ANKEF1: variants seen among roughly 807,000 people sequenced by gnomAD.
The protein encoded by ANKEF1 is ankyrin repeat and EF-hand domain-containing protein 1.
A neutral mutation model predicts 65.1 loss-of-function variants in ANKEF1; 43 were observed. The observed-to-expected ratio is 0.66, with a 90% CI of 0.52 to 0.85. The LOEUF (loss-of-function observed/expected upper bound fraction) is 0.85, where lower values mean the gene tolerates loss of function less well. ANKEF1 is among the 40% of genes least tolerant of loss of function. The probability of loss-of-function intolerance (pLI) is 0.00; values close to 1 mark genes in which losing one functional copy is unlikely to be tolerated. For synonymous variants in ANKEF1, 316 were observed against 341.5 expected (o/e 0.93, Z 0.82); for missense variants, 934 against 952.9 (o/e 0.98, Z 0.26).
intron 7 of ANKEF1, 89 bp downstream of exon 7, chr20:10,050,301 A>G (rs1984779543): frequency 1.9e-6 from 2 of 1,032,478 alleles, no homozygotes; most frequent in Non-Finnish European, 1.4e-6. Flanking sequence ...AGTAATATAG[A>G]AAAGTGCTAC....
chr20:10,043,816 G>A (rs1325352500), intron 4 of ANKEF1, among the ~76,000 whole-genome samples: 1 of 151,580 alleles, frequency 6.6e-6, no homozygotes, highest in South Asian at 2.1e-4. Flanking sequence ...ATGCCACCAT[G>A]CCCCGCTAAT....
rs1984706020 is a variant in ANKEF1 at position 10,049,464 on chromosome 20, G to T, written c.895G>T (p.Ala299Ser). 3 of 1,614,198 alleles carry T rather than the reference G, an allele frequency of 1.9e-6. No individual in the cohort carries two copies. Among genetic ancestry groups the T allele is most frequent in the Non-Finnish European group, 2.5e-6 (3 of 1,180,024 alleles). Residue 299 changes from alanine to serine, a missense_variant, in exon 7 of 11, where the codon GCA becomes TCA. Coordinates refer to ENST00000378392, the MANE Select transcript of ANKEF1 (RefSeq NM_022096.6). The stretch of plus-strand genomic sequence containing the variant: ...GGCTAAGGAAGGCGGCTTCAAAGCA[G>T]CAAGCAAAGAAATACGCCGAGCAGA... The part of the protein sequence containing the change: ...AVAKEGGFKA[A>S]SKEIRRAERI...
In ANKEF1 at chr20:10,049,615, G is replaced by A; in HGVS notation, c.1046G>A (p.Arg349Lys). The change falls in exon 7 of 11, where the codon AGG becomes AAG. Residue 349 changes from arginine (R) to lysine (K), a missense_variant. Transcript: ENST00000378392. ...CGGGAAGCCTTTGCGGTTTTAGACAGGGGTGATGGAAGCATCAGCAAGAAC... is the reference window on the plus strand; with the variant it reads ...CGGGAAGCCTTTGCGGTTTTAGACAAGGGTGATGGAAGCATCAGCAAGAAC... ...FLREAFAVLD[R>K]GDGSISKNDF... 6.2e-7 allele frequency: 1 copy of A among 1,614,124 alleles called. No individual in the cohort carries two copies. The highest frequency in any genetic ancestry group is 8.5e-7 in the Non-Finnish European group (1 of 1,180,004).
Position 10,043,284 on chromosome 20 carries a change from T to A in ANKEF1, c.509T>A (p.Phe170Tyr). 1.9e-6 allele frequency: 3 copies of A among 1,614,140 alleles called. No homozygotes were observed. The highest frequency in any genetic ancestry group is 2.5e-6 in the Non-Finnish European group (3 of 1,180,020). The change falls in exon 4 of 11, where the codon TTT becomes TAT. Residue 170 changes from phenylalanine (F) to tyrosine (Y), a missense_variant. Physicochemically the swap from Phe to Tyr is conservative, Grantham distance 22. Transcript: ENST00000378392. ...GATGTTAAAGATGTGTGCCTGACAT[T>A]TTTGGAAAAAGGAGCCAATCCTAAT... ...AHDVKDVCLT[F>Y]LEKGANPNAI...
intron 1 of ANKEF1, 64 bp downstream of exon 1, chr20:10,035,397 C>T (rs1378346541): frequency 1.3e-5 from 2 of 152,274 alleles, no homozygotes; most frequent in African/African-American, 4.8e-5. Context: ...CCTCTCTTCT[C>T]CAGATTTTTC....
intron 3 of ANKEF1, chr20:10,040,804 A>G (rs1227024263): frequency 6.6e-6 from 1 of 152,246 alleles, no homozygotes; most frequent in African/African-American, 2.4e-5. Flanking sequence ...TTCATTTCAT[A>G]AGTGGCTCTG....
chr20:10,049,919 G>A lies in ANKEF1; in HGVS notation c.1350G>A (p.Gly450=). ...CGTTTCCACGCCGGCAGGATGGTGG[G>A]CCACCGTATTACATGATTGAGACCT... ...EYAFPRRQDG[G]PPYYMIETYK... Residue 450 remains glycine (G), a synonymous_variant, in exon 7 of 11, where the codon GGG becomes GGA. Transcript: ENST00000378392. 4 of 1,614,202 alleles carry A rather than the reference G, an allele frequency of 2.5e-6. No homozygotes were observed. The highest frequency in any genetic ancestry group is 2.7e-5 in the African/African-American group (2 of 75,058).
At chr20:10,042,153 G>T (rs868459506) in intron 3 of ANKEF1, among the ~76,000 whole-genome samples, 62 of 152,186 alleles carry the variant, frequency 4.1e-4, no homozygotes, top group African/African-American at 1.4e-3. Flanking sequence ...AAGACCCAAC[G>T]TACCCTTTTA....
rs1984304920 is a variant in ANKEF1, at chr20:10,043,301, A to G, written c.526A>G (p.Asn176Asp). ...CCTGACATTTTTGGAAAAAGGAGCC[A>G]ATCCTAATGCAATCAACTCAGTATG... ...VCLTFLEKGANPNAINSSTGR... is the reference protein window; with the variant it reads ...VCLTFLEKGADPNAINSSTGR... The change falls in exon 4 of 11, where the codon AAT (asparagine) becomes GAT (aspartate). Residue 176 changes from asparagine to aspartate, a missense_variant. Coordinates refer to ENST00000378392, the MANE Select transcript of ANKEF1 (RefSeq NM_022096.6). 1 of 1,613,920 alleles carries G rather than the reference A, an allele frequency of 6.2e-7. No homozygotes were observed. Among genetic ancestry groups the G allele is most frequent in the African/African-American group, 1.3e-5 (1 of 74,940 alleles).
At position 10,054,610 on chromosome 20, in the gene ANKEF1, C is replaced by T. The variant is rs149627206; in HGVS notation, c.2172+11C>T. 1.2e-3 allele frequency: 1,972 copies of T among 1,602,102 alleles called. 18 individuals are homozygous for T. In the African/African-American group the frequency reaches 0.023, roughly 19 times the overall value. On this transcript the variant is annotated intron_variant, in intron 10 of 10. Transcript: ENST00000378392. Reference sequence around the variant, plus strand: ...TTTATTCCACGGAGGGTAAGTGCTTCGAAAAGATCTTCATAGCATGGTAGA... The same window carrying T: ...TTTATTCCACGGAGGGTAAGTGCTTTGAAAAGATCTTCATAGCATGGTAGA...
At chr20:10,055,444 C>G in intron 10 of ANKEF1, 58 bp from the exon 11 acceptor site, 1 of 1,471,230 alleles carries the variant, frequency 6.8e-7, no homozygotes, top group South Asian at 1.2e-5. Context: ...TGGATATTAG[C>G]ATATTTACTG....
At chr20:10,052,529 A>C (rs950878199) in intron 8 of ANKEF1, among the ~76,000 whole-genome samples, 1 of 152,206 alleles carries the variant, frequency 6.6e-6, no homozygotes, top group Non-Finnish European at 1.5e-5. Flanking sequence ...CTTGTTTGGA[A>C]GTACCATTTT....
At chr20:10,040,743 C>T (rs1187590375) in intron 3 of ANKEF1, 1 of 152,190 alleles carries the variant, frequency 6.6e-6, no homozygotes, top group East Asian at 1.9e-4. Context: ...CTTAAGGAGT[C>T]AGCCCAGATA....
intron 4 of ANKEF1, among the ~76,000 whole-genome samples, chr20:10,043,625 T>C (rs1568511548): frequency 6.6e-6 from 1 of 151,470 alleles, no homozygotes; most frequent in African/African-American, 2.4e-5. Flanking sequence ...AATATATAGT[T>C]CTGCTGTTTC....
rs866865703 is a variant in ANKEF1, at chr20:10,053,192, C to T, written c.1951C>T (p.Pro651Ser). ...GATTAAAGAAAAGCTAGATAACTTG[C>T]CGAAACCAGCAGAAAATCAAAAACT... is the stretch of plus-strand genomic sequence containing the variant. ...DLIKEKLDNL[P>S]KPAENQKLKG... The change falls in exon 9 of 11, where the codon CCG becomes TCG. Residue 651 changes from proline (P) to serine (S), a missense_variant. Coordinates refer to ENST00000378392, the MANE Select transcript of ANKEF1 (RefSeq NM_022096.6). The T allele has an allele frequency of 6.2e-7, 1 of 1,613,458 alleles. No individual in the cohort carries two copies. Among genetic ancestry groups the T allele is most frequent in the Non-Finnish European group, 8.5e-7 (1 of 1,179,690 alleles).
At position 10,043,040 on chromosome 20, in the gene ANKEF1, T is replaced by C. The variant is rs577018485; in HGVS notation, c.347-82T>C. On this transcript the variant is annotated intron_variant, in intron 3 of 10. Transcript: ENST00000378392. ...AGATATGCCTTTAACTAGCTAAATA[T>C]GGATTTTTAATAATTTTACTTTCCT... is the stretch of plus-strand genomic sequence containing the variant. The C allele has an allele frequency of 1.2e-3, 1,687 of 1,398,608 alleles. 5 individuals carry two copies. Among genetic ancestry groups the C allele is most frequent in the Non-Finnish European group, 1.6e-3 (1,620 of 1,014,814 alleles). The allele number at this position is 1,398,608 out of a possible 1,614,324, so 86.6% of individuals were successfully genotyped here.
In ANKEF1 at chr20:10,038,321, G is replaced by C. The variant is rs754220456; in HGVS notation, c.20G>C (p.Arg7Thr). 3.8e-6 allele frequency: 6 copies of C among 1,566,654 alleles called. No individual in the cohort carries two copies. In the Admixed American group the frequency reaches 5.2e-5, roughly 14 times the overall value. MALADK[R>T]LENLQIYKVL... ...TCAAGCATGGCTTTAGCAGATAAGA[G>C]ACTTGAGAACTTACAGATCTACAAA... The change falls in exon 3 of 11, where the codon AGA becomes ACA. Residue 7 changes from arginine (R) to threonine (T), a missense_variant. By Grantham distance (71) the Arg-to-Thr change is moderately conservative. Coordinates refer to ENST00000378392, the MANE Select transcript of ANKEF1 (RefSeq NM_022096.6).
chr20:10,053,289 T>C lies in ANKEF1; in HGVS notation c.2034+14T>C, dbSNP rs1984973339. 2 of 1,582,120 alleles carry C rather than the reference T, an allele frequency of 1.3e-6. No individual in the cohort carries two copies. Among genetic ancestry groups the C allele is most frequent in the South Asian group, 1.2e-5 (1 of 84,918 alleles). On this transcript the variant is annotated intron_variant, in intron 9 of 10. Transcript: ENST00000378392. Reference sequence around the variant, plus strand: ...AAGAAAGAAGAGGTAAGAAAAATGGTTGACTACCCATTAGTAACTGGAACT... The same window carrying C: ...AAGAAAGAAGAGGTAAGAAAAATGGCTGACTACCCATTAGTAACTGGAACT...
rs756949406 is a variant in ANKEF1 at position 10,055,629 on chromosome 20, C to T, written c.2300C>T (p.Ala767Val). ...MPFQKNITEK[A>V]RALEAALKT Reference sequence around the variant, plus strand: ...TTTCAGAAGAACATCACAGAGAAAGCTCGAGCACTGGAAGCTGCCTTGAAG... The same window carrying T: ...TTTCAGAAGAACATCACAGAGAAAGTTCGAGCACTGGAAGCTGCCTTGAAG... Residue 767 changes from alanine to valine, a missense_variant, in exon 11 of 11, where the codon GCT (alanine) becomes GTT (valine). Coordinates refer to ENST00000378392, the MANE Select transcript of ANKEF1 (RefSeq NM_022096.6). 2.5e-6 allele frequency: 4 copies of T among 1,613,776 alleles called. No homozygotes were observed. In the Admixed American group the frequency reaches 6.7e-5, roughly 27 times the overall value.
Sources: gnomAD v4.1 joint callset for allele counts (sites outside exome capture counted in the v4.1 genomes callset) on GRCh38, gnomAD v4.1.1 for gene constraint, MANE v1.5 for transcripts, NCBI Gene and HGNC (gene_info 2026-07-23, HGNC 2026-07-21) for gene names.